Variants in MYT1L observed in about 807,000 individuals in gnomAD.
MYT1L encodes myelin transcription factor 1 like.
In MYT1L, 12 loss-of-function variants were observed where a neutral mutation model predicts 126.7. That is an observed-to-expected ratio of 0.09 (90% CI 0.06 to 0.15). MYT1L has a LOEUF of 0.15. Ranked by LOEUF, MYT1L falls within the 10% of genes least tolerant of loss-of-function variation. The probability of loss-of-function intolerance (pLI) is 1.00; values close to 1 mark genes in which losing one functional copy is unlikely to be tolerated. For synonymous variants in MYT1L, 541 were observed against 604.2 expected, an observed-to-expected ratio of 0.90 and a Z score of 1.53; for missense variants, 979 against 1,585.2, an observed-to-expected ratio of 0.62 and a Z score of 6.49.
chr2:1,940,938 C>T lies in MYT1L; in HGVS notation c.505+2044G>A, dbSNP rs903269936. Among the ~76,000 whole-genome samples the T allele has an allele frequency of 2.6e-5, 4 of 152,322 alleles. No homozygotes were observed. In the East Asian group the frequency reaches 7.7e-4, roughly 29 times the overall value. On this transcript the variant is annotated intron_variant, in intron 9 of 24. Transcript: ENST00000647738. ...CACGATCAGCCAGTCGCTCCTTTGG[C>T]GGTGCTGTCACACATCCACTGGGTG...
intron 3 of MYT1L, among the ~76,000 whole-genome samples, chr2:2,088,080 T>C (rs1467508019): frequency 6.6e-6 from 1 of 152,006 alleles, no homozygotes; most frequent in Non-Finnish European, 1.5e-5. Flanking sequence ...CAGAGAAGAG[T>C]GCCCAGCACA....
intron 3 of MYT1L, among the ~76,000 whole-genome samples, chr2:2,086,910 C>A (rs1046819314): frequency 6.6e-6 from 1 of 152,228 alleles, no homozygotes; most frequent in Non-Finnish European, 1.5e-5. Context: ...TCAGATGCCC[C>A]CTGCCAACCT....
At chr2:2,276,637 G>A (rs1233108297) in intron 2 of MYT1L, among the ~76,000 whole-genome samples, 1 of 152,098 alleles carries the variant, frequency 6.6e-6, no homozygotes, top group Non-Finnish European at 1.5e-5. Flanking sequence ...GATGGTGTTA[G>A]CAACCAAGCC....
chr2:1,846,559 A>G (rs2042522265), intron 19 of MYT1L, among the ~76,000 whole-genome samples: 1 of 152,112 alleles, frequency 6.6e-6, no homozygotes, highest in African/African-American at 2.4e-5. Context: ...GAAAGGGCCA[A>G]CAACAGGTGA....
chr2:2,085,194 C>T (rs2076235143), intron 3 of MYT1L, among the ~76,000 whole-genome samples: 1 of 152,220 alleles, frequency 6.6e-6, no homozygotes, highest in South Asian at 2.1e-4. Flanking sequence ...CTGGAGCTGT[C>T]TGCATGCCTC....
chr2:1,895,613 G>C (rs952085573), intron 14 of MYT1L, among the ~76,000 whole-genome samples: 1 of 152,138 alleles, frequency 6.6e-6, no homozygotes, highest in African/African-American at 2.4e-5. Flanking sequence ...TGGGGAAATG[G>C]TACTGGGATA....
At chr2:1,795,789 GA>G (rs1196522214) in intron 23 of MYT1L, 2 of 152,236 alleles carry the variant, frequency 1.3e-5, no homozygotes, top group Admixed American at 1.3e-4. Context: ...AGGCTGCTAG[GA>G]AGCAGTGCAT....
chr2:2,252,290 C>G (rs72769251), intron 2 of MYT1L, among the ~76,000 whole-genome samples: 59 of 152,306 alleles, frequency 3.9e-4, no homozygotes, highest in Non-Finnish European at 7.6e-4. Context: ...CCCCTGAATA[C>G]CAGCCCATGC....
intron 3 of MYT1L, among the ~76,000 whole-genome samples, chr2:2,116,692 A>G (rs1020591564): frequency 6.6e-6 from 1 of 152,252 alleles, no homozygotes; most frequent in East Asian, 1.9e-4. Context: ...CAGATTCCAT[A>G]TAGGTCTCTT....
At chr2:1,881,319 C>A (rs2047504468) in intron 18 of MYT1L, among the ~76,000 whole-genome samples, 1 of 150,694 alleles carries the variant, frequency 6.6e-6, no homozygotes, top group South Asian at 2.1e-4. Context: ...ACTCCGTGAA[C>A]CAAGACCTGG....
intron 3 of MYT1L, among the ~76,000 whole-genome samples, chr2:2,139,961 A>G (rs969625309): frequency 1.8e-4 from 27 of 152,204 alleles, no homozygotes; most frequent in Non-Finnish European, 4.0e-4. Context: ...GGATCGGTCA[A>G]AACTTTTGCA....
intron 18 of MYT1L, among the ~76,000 whole-genome samples, chr2:1,855,658 C>T (rs2043822048): frequency 6.6e-6 from 1 of 152,132 alleles, no homozygotes; most frequent in Admixed American, 6.5e-5. Flanking sequence ...AAATAAAACG[C>T]TTGGTTATAT....
Position 2,007,044 on chromosome 2 carries a change from G to GATATAT in MYT1L, c.-157-9703_-157-9698dup, listed in dbSNP as rs113385392. Among the ~76,000 whole-genome samples the GATATAT allele has an allele frequency of 2.0e-3, 299 of 146,904 alleles. 1 individual carries two copies. The highest frequency in any genetic ancestry group is 6.5e-3 in the African/African-American group (261 of 40,160). On this transcript the variant is annotated intron_variant, in intron 4 of 24. Transcript: ENST00000647738. The stretch of plus-strand genomic sequence containing the variant: ...TAAGGCTGAATAATATTTCATTGAA[G>GATATAT]ATATATATATATATATATATCCCCC...
chr2:1,801,852 G>A lies in MYT1L; in HGVS notation c.3173-53C>T, dbSNP rs942265667. ...AACTGTTATATACAAAAATATTAGA[G>A]TTAGAATTTTGGGAGCTTTCTTTGT... On this transcript the variant is annotated intron_variant, in intron 22 of 24. Transcript: ENST00000647738. This position sits in a 1 kb window ranked among gnomAD's most constrained non-coding sequence, Gnocchi z 4.2. 6.4e-5 allele frequency: 76 copies of A among 1,179,568 alleles called. 1 individual carries two copies. The highest frequency in any genetic ancestry group is 4.8e-5 in the Admixed American group (2 of 41,936). 73.1% of individuals were successfully genotyped at this position (1,179,568 alleles called of 1,614,324 possible).
At position 1,919,748 on chromosome 2, in the gene MYT1L, A is replaced by G. The variant is rs774044759; in HGVS notation, c.1484-2409T>C. Among the ~76,000 whole-genome samples, 401 of 152,240 alleles carry G rather than the reference A, an allele frequency of 2.6e-3. 3 individuals are homozygous for G. Among genetic ancestry groups the G allele is most frequent in the Non-Finnish European group, 4.8e-3 (324 of 68,028 alleles). Reference sequence around the variant, plus strand: ...TAATTTAATATTATTTTATTTTTTGAGACGGAGTCTCGCTCTGTCCCCCAG... The same window carrying G: ...TAATTTAATATTATTTTATTTTTTGGGACGGAGTCTCGCTCTGTCCCCCAG... On this transcript the variant is annotated intron_variant, in intron 10 of 24. Coordinates refer to ENST00000647738, the MANE Select transcript of MYT1L (RefSeq NM_001303052.2).
chr2:1,959,359 C>T (rs984686183), intron 8 of MYT1L, among the ~76,000 whole-genome samples: 1 of 151,976 alleles, frequency 6.6e-6, no homozygotes, highest in Non-Finnish European at 1.5e-5. Flanking sequence ...CGGAGACAGG[C>T]CTGTGACCTC....
intron 5 of MYT1L, among the ~76,000 whole-genome samples, chr2:1,983,740 C>T (rs544326277): frequency 7.9e-5 from 12 of 152,280 alleles, no homozygotes; most frequent in African/African-American, 2.9e-4. Flanking sequence ...TTCTGGTGGT[C>T]CCAGGGCTGG....
At chr2:2,117,377 T>C (rs1423536866) in intron 3 of MYT1L, among the ~76,000 whole-genome samples, 5 of 152,184 alleles carry the variant, frequency 3.3e-5, no homozygotes, top group Non-Finnish European at 7.3e-5. Context: ...CTGCATGTTG[T>C]CCTGGACGTC....
intron 2 of MYT1L, among the ~76,000 whole-genome samples, chr2:2,182,890 A>G (rs1404316521): frequency 6.6e-6 from 1 of 152,184 alleles, no homozygotes; most frequent in Non-Finnish European, 1.5e-5. Context: ...ACAGAGTTGC[A>G]GGGGAGAGAA....
Sources: gnomAD v4.1 joint callset for allele counts (sites outside exome capture counted in the v4.1 genomes callset) on GRCh38, gnomAD v4.1.1 for gene constraint, Gnocchi (gnomAD v3.1) non-coding constraint, MANE v1.5 for transcripts, NCBI Gene and HGNC (gene_info 2026-07-23, HGNC 2026-07-21) for gene names.